Variants in BCO1 observed in about 807,000 individuals in gnomAD.
BCO1 encodes the protein beta,beta-carotene 15,15'-dioxygenase.
In BCO1, 54 loss-of-function variants were observed where a neutral mutation model predicts 56.3. The ratio of observed to expected loss-of-function variants is 0.96; its 90% CI spans 0.77 to 1.20. The LOEUF (loss-of-function observed/expected upper bound fraction) is 1.20. BCO1 is among the 50% of genes most tolerant of loss of function. The pLI is 0.00. For synonymous variants in BCO1, 318 were observed against 266.1 expected, an observed-to-expected ratio of 1.20 and a Z score of -1.90; for missense variants, 801 against 690.9, an observed-to-expected ratio of 1.16 and a Z score of -1.79.
rs1254283833 is a variant in BCO1, at chr16:81,256,508, T to A, written c.194-3168T>A. On this transcript the variant is annotated intron_variant, in intron 2 of 10. Transcript: ENST00000258168. ...ATGCGTTCTGTAAAAGGAAAAAATC[T>A]TAATGTCATTTGCGAATTAACAGCA... Among the ~76,000 whole-genome samples the A allele has an allele frequency of 2.0e-5, 3 of 152,180 alleles. No individual in the cohort carries two copies. The East Asian group carries it at 5.8e-4, about 29-fold the overall frequency.
intron 1 of BCO1, among the ~76,000 whole-genome samples, chr16:81,239,297 G>A (rs968328027): frequency 1.3e-5 from 2 of 152,118 alleles, no homozygotes; most frequent in African/African-American, 4.8e-5. Flanking sequence ...GATTACAGGG[G>A]TGAGCCACTG....
chr16:81,278,813 AC>A (rs1024116407), intron 7 of BCO1, among the ~76,000 whole-genome samples: 7 of 152,176 alleles, frequency 4.6e-5, no homozygotes, highest in Non-Finnish European at 1.0e-4. Context: ...TCTCCATGTG[AC>A]TTTGGACCAG....
intron 2 of BCO1, among the ~76,000 whole-genome samples, chr16:81,246,508 G>A (rs1809430162): frequency 6.6e-6 from 1 of 152,072 alleles, no homozygotes; most frequent in African/African-American, 2.4e-5. Flanking sequence ...GGCAAGAGCA[G>A]GTGGAAGAGT....
intron 1 of BCO1, among the ~76,000 whole-genome samples, chr16:81,242,319 G>T (rs984111848): frequency 6.7e-6 from 1 of 149,362 alleles, no homozygotes; most frequent in Non-Finnish European, 1.5e-5. Context: ...TCCTGCCTCA[G>T]CCTCCCCAGT....
At chr16:81,278,731 C>G (rs1188719002) in intron 7 of BCO1, among the ~76,000 whole-genome samples, 1 of 152,190 alleles carries the variant, frequency 6.6e-6, no homozygotes, top group Non-Finnish European at 1.5e-5. Context: ...ACTGCCTTCA[C>G]CCTCTACCAG....
intron 1 of BCO1, among the ~76,000 whole-genome samples, chr16:81,239,671 C>G (rs914419221): frequency 6.6e-6 from 1 of 152,172 alleles, no homozygotes; most frequent in Non-Finnish European, 1.5e-5. Flanking sequence ...ATCCACCACG[C>G]ACACTTGCAG....
At position 81,260,764 on chromosome 16, in the gene BCO1, A is replaced by C. The variant is rs144191402; in HGVS notation, c.323+959A>C. ...TCTTAGGTGATCCACCCACCTTGGC[A>C]TCCCAAAGTGCTAGGATTACAGGCA... On this transcript the variant is annotated intron_variant, in intron 3 of 10. Coordinates refer to ENST00000258168, the MANE Select transcript of BCO1 (RefSeq NM_017429.3). Among the ~76,000 whole-genome samples, 1,023 of 152,272 alleles carry C rather than the reference A, an allele frequency of 6.7e-3. 9 individuals are homozygous for C. The highest frequency in any genetic ancestry group is 0.023 in the African/African-American group (941 of 41,550).
intron 3 of BCO1, among the ~76,000 whole-genome samples, chr16:81,261,571 AC>A (rs951758495): frequency 6.6e-6 from 1 of 151,838 alleles, no homozygotes; most frequent in Non-Finnish European, 1.5e-5. Context: ...GATGTTAGAG[AC>A]CTTTGGGTTT....
At chr16:81,290,071 C>A (rs1456695286) in intron 10 of BCO1, among the ~76,000 whole-genome samples, 2 of 152,216 alleles carry the variant, frequency 1.3e-5, no homozygotes, top group African/African-American at 2.4e-5. Context: ...ACCACGTTGG[C>A]CAGACTGGTC....
chr16:81,274,544 G>A lies in BCO1; in HGVS notation c.1101+4128G>A, dbSNP rs574855920. On this transcript the variant is annotated intron_variant, in intron 7 of 10. Transcript: ENST00000258168. ...CTTCCAAAGTGCTGGGATTACAGGCGTGAGCCACTGCGCCCAGCCCCCTAG... is the reference window on the plus strand; with the variant it reads ...CTTCCAAAGTGCTGGGATTACAGGCATGAGCCACTGCGCCCAGCCCCCTAG... Among the ~76,000 whole-genome samples, 8 of 152,154 alleles carry A rather than the reference G, an allele frequency of 5.3e-5. No homozygotes were observed. The East Asian group carries it at 9.7e-4, about 19-fold the overall frequency.
intron 5 of BCO1, among the ~76,000 whole-genome samples, chr16:81,266,326 G>A (rs996119422): frequency 1.3e-4 from 20 of 152,290 alleles, no homozygotes; most frequent in African/African-American, 4.3e-4. Flanking sequence ...GGACCCTCCT[G>A]GGAACCACAC....
chr16:81,249,138 T>C (rs1905624274), intron 2 of BCO1, among the ~76,000 whole-genome samples: 1 of 149,638 alleles, frequency 6.7e-6, no homozygotes, highest in Admixed American at 6.8e-5. Flanking sequence ...TTACCCAGGT[T>C]GGAGTGTGGT....
rs149326034 is a variant in BCO1 at position 81,240,594 on chromosome 16, A to G, written c.64+1622A>G. Among the ~76,000 whole-genome samples, 57 of 151,916 alleles carry G rather than the reference A, an allele frequency of 3.8e-4. No homozygotes were observed. The East Asian group carries it at 7.0e-3, about 19-fold the overall frequency. On this transcript the variant is annotated intron_variant, in intron 1 of 10. Coordinates refer to ENST00000258168, the MANE Select transcript of BCO1 (RefSeq NM_017429.3). ...GTGGCATGCACCTGTAGTCCCAGCT[A>G]CTCAGGAGGATGAGGTAGTAGAATT...
At chr16:81,281,033 A>G (rs1194707817) in intron 8 of BCO1, 71 bp downstream of exon 8, 2 of 1,105,162 alleles carry the variant, frequency 1.8e-6, no homozygotes, top group Non-Finnish European at 2.7e-6. Flanking sequence ...AGGCCTCTTT[A>G]CATAATAATT....
chr16:81,245,128 G>A (rs886480143), intron 1 of BCO1, among the ~76,000 whole-genome samples: 1 of 152,152 alleles, frequency 6.6e-6, no homozygotes, highest in Non-Finnish European at 1.5e-5. Context: ...CTGACCTCAG[G>A]TGATCCACCC....
chr16:81,267,379 G>A (rs765565159), intron 5 of BCO1, among the ~76,000 whole-genome samples: 3 of 152,150 alleles, frequency 2.0e-5, no homozygotes, highest in Non-Finnish European at 4.4e-5. Flanking sequence ...TTGGGAGGCC[G>A]AGGCGGGCAG....
intron 2 of BCO1, 33 bp from the exon 3 acceptor site, chr16:81,259,643 C>T (rs1906359114): frequency 6.2e-7 from 1 of 1,614,058 alleles, no homozygotes; most frequent in African/African-American, 1.3e-5. Flanking sequence ...GTGAAGGCGT[C>T]AGCCTGAGAT....
chr16:81,285,470 C>G, intron 8 of BCO1, 70 bp from the exon 9 acceptor site: 2 of 1,151,462 alleles, frequency 1.7e-6, no homozygotes, highest in South Asian at 2.5e-5. Flanking sequence ...GCTACCCAAT[C>G]TGACAGGAAG....
At position 81,243,514 on chromosome 16, in the gene BCO1, G is replaced by C. The variant is rs1257233904; in HGVS notation, c.65-1961G>C. Among the ~76,000 whole-genome samples the C allele has an allele frequency of 4.6e-5, 7 of 151,912 alleles. No individual in the cohort carries two copies. The East Asian group carries it at 1.4e-3, about 29-fold the overall frequency. On this transcript the variant is annotated intron_variant, in intron 1 of 10. Transcript: ENST00000258168. ...GACGGAGTCTTGCTCTGTCACCCAG[G>C]CTGGAGTGCAGTGGCGTGATCTCAG...
Sources: allele counts gnomAD v4.1 joint callset (sites outside exome capture counted in the v4.1 genomes callset), GRCh38; gene constraint gnomAD v4.1.1; transcripts MANE v1.5; gene names NCBI Gene and HGNC (gene_info 2026-07-23, HGNC 2026-07-21).